The following DEFB121 variants were observed in gnomAD, a reference collection of about 807,000 sequenced individuals.
DEFB121 encodes beta-defensin 121.
Under a neutral mutation model 2.5 loss-of-function variants are expected in DEFB121, and 5 were observed. The ratio of observed to expected loss-of-function variants is 1.96; its 90% CI spans 1.03 to 4.13. The LOEUF is 4.13. Ranked by LOEUF, DEFB121 falls within the 30% of genes most tolerant of loss-of-function variation. DEFB121 has a pLI of 0.00. For missense variants in DEFB121, 87 were observed against 85.0 expected, an observed-to-expected ratio of 1.02 and a Z score of -0.09; for synonymous variants, 39 against 32.6, an observed-to-expected ratio of 1.20 and a Z score of -0.67.
chr20:31,412,901 G>T, upstream of DEFB121: 1 of 246,226 alleles, frequency 4.1e-6, no homozygotes, highest in Non-Finnish European at 8.1e-6. Flanking sequence ...AGATAACAGA[G>T]GAAATGCCTG....
chr20:31,415,791 G>T (rs1978790901), upstream of DEFB121, among the ~76,000 whole-genome samples: 1 of 152,126 alleles, frequency 6.6e-6, no homozygotes, highest in African/African-American at 2.4e-5. Flanking sequence ...GAAGGAGAGG[G>T]TGTAAAAGAG....
chr20:31,411,691 G>A (rs1263316163), intron 1 of DEFB121, among the ~76,000 whole-genome samples: 4 of 152,206 alleles, frequency 2.6e-5, no homozygotes, highest in Admixed American at 2.6e-4. Context: ...AGAAAGGTAG[G>A]AGGCACTCAG....
upstream of DEFB121, among the ~76,000 whole-genome samples, chr20:31,409,367 A>T (rs1220150226): frequency 6.6e-6 from 1 of 152,238 alleles, no homozygotes; most frequent in Non-Finnish European, 1.5e-5. Flanking sequence ...ATTAGTAAAC[A>T]GATAAATTCT....
upstream of DEFB121, among the ~76,000 whole-genome samples, chr20:31,407,103 A>G (rs1382646052): frequency 2.6e-5 from 4 of 152,148 alleles, no homozygotes; most frequent in East Asian, 7.7e-4. Flanking sequence ...ACAAAAAATT[A>G]GCCGGGCGTG....
the DEFB121 span, among the ~76,000 whole-genome samples, chr20:31,418,365 G>A: frequency 6.6e-6 from 1 of 151,012 alleles, no homozygotes; most frequent in Non-Finnish European, 1.5e-5. Flanking sequence ...CTTTCAGAGA[G>A]AAATAACAAG....
upstream of DEFB121, among the ~76,000 whole-genome samples, chr20:31,408,265 G>A (rs1277240165): frequency 3.9e-5 from 6 of 152,098 alleles, no homozygotes; most frequent in African/African-American, 9.7e-5. Flanking sequence ...GCAACATAAC[G>A]AGACTCCATC....
chr20:31,405,887 G>A (rs2122347919), intron 1 of DEFB121, among the ~76,000 whole-genome samples: 1 of 152,286 alleles, frequency 6.6e-6, no homozygotes, highest in South Asian at 2.1e-4. Flanking sequence ...GCTAACCAGA[G>A]ATAAGGTTGG....
exon 1 of DEFB121, chr20:31,412,733 C>T (rs1978698975): frequency 1.7e-6 from 2 of 1,205,056 alleles, no homozygotes; most frequent in Non-Finnish European, 2.2e-6. Flanking sequence ...TTAGGATTGG[C>T]AGTAGCTCAG....
At chr20:31,407,810 C>A (rs185707243), upstream of DEFB121, among the ~76,000 whole-genome samples, 47 of 152,292 alleles carry the variant, frequency 3.1e-4, no homozygotes, top group Non-Finnish European at 4.4e-5. Context: ...CAGAGTCTTG[C>A]TCTGTTGCCC....
upstream of DEFB121, among the ~76,000 whole-genome samples, chr20:31,410,066 C>T (rs1476953320): frequency 6.6e-6 from 1 of 151,948 alleles, no homozygotes; most frequent in East Asian, 1.9e-4. Flanking sequence ...TTAAAAAAAA[C>T]CTGTGCAAAT....
upstream of DEFB121, among the ~76,000 whole-genome samples, chr20:31,417,637 A>T (rs985166927): frequency 2.0e-5 from 3 of 152,142 alleles, no homozygotes; most frequent in Non-Finnish European, 4.4e-5. Flanking sequence ...CCGAGTGCTC[A>T]GAAAAATTGA....
chr20:31,417,435 C>CAGAGATAAAATAAAAGCAGT (rs1289120791), upstream of DEFB121, among the ~76,000 whole-genome samples: 2 of 151,824 alleles, frequency 1.3e-5, no homozygotes, highest in Non-Finnish European at 2.9e-5. Context: ...AACAAAATGA[C>CAGAGATAAAATAAAAGCAGT]AGAGATAAAA....
upstream of DEFB121, among the ~76,000 whole-genome samples, chr20:31,407,000 C>G (rs1978501071): frequency 6.6e-6 from 1 of 152,094 alleles, no homozygotes; most frequent in South Asian, 2.1e-4. Context: ...ATTGCCCCAG[C>G]AACTTGGGAG....
chr20:31,406,092 T>C lies in DEFB121; in HGVS notation c.58+3A>G, dbSNP rs1257927653. On this transcript the variant is annotated splice_donor_region_variant and intron_variant, in intron 1 of 1. Transcript: ENST00000376314. ...CCCATCCCCTTCTGGAGATCCTGTT[T>C]ACCTGGGGTGACCTGGGCCAGGAGC... The C allele has an allele frequency of 1.2e-6, 2 of 1,613,966 alleles. No homozygotes were observed. The highest frequency in any genetic ancestry group is 2.2e-5 in the East Asian group (1 of 44,894).
At chr20:31,407,791 T>A (rs1978531083), upstream of DEFB121, among the ~76,000 whole-genome samples, 1 of 152,226 alleles carries the variant, frequency 6.6e-6, no homozygotes, top group Non-Finnish European at 1.5e-5. Flanking sequence ...TTTTCTTTTT[T>A]CTTTAAGACA....
chr20:31,418,269 A>AAAAAAAAG, the DEFB121 span, among the ~76,000 whole-genome samples: 1 of 92,188 alleles, frequency 1.1e-5, no homozygotes, highest in Non-Finnish European at 2.3e-5. Flanking sequence ...CAAAAAAAAA[A>AAAAAAAAG]AAAAAAAAAA....
upstream of DEFB121, among the ~76,000 whole-genome samples, chr20:31,416,353 G>A (rs535157266): frequency 5.9e-5 from 9 of 152,192 alleles, no homozygotes; most frequent in East Asian, 3.8e-4. Flanking sequence ...AAGCCACGGC[G>A]CCTGGCCTTC....
chr20:31,407,186 G>T (rs1978510570), upstream of DEFB121, among the ~76,000 whole-genome samples: 1 of 152,018 alleles, frequency 6.6e-6, no homozygotes, highest in Non-Finnish European at 1.5e-5. Flanking sequence ...GGAGGCGGAG[G>T]TTGCAGTGAG....
upstream of DEFB121, among the ~76,000 whole-genome samples, chr20:31,410,238 C>T (rs538905823): frequency 6.2e-4 from 95 of 152,268 alleles, no homozygotes; most frequent in Admixed American, 9.8e-4. Context: ...AGGTCATTAT[C>T]CTAAGCCAAC....
Sources: allele counts gnomAD v4.1 joint callset (sites outside exome capture counted in the v4.1 genomes callset), GRCh38; gene constraint gnomAD v4.1.1; transcripts MANE v1.5; gene names NCBI Gene and HGNC (gene_info 2026-07-23, HGNC 2026-07-21).